CDH12: variants seen among roughly 807,000 people sequenced by gnomAD.
CDH12 encodes the protein cadherin-12.
Under a neutral mutation model 74.1 loss-of-function variants are expected in CDH12, and 41 were observed. The ratio of observed to expected loss-of-function variants is 0.55; its 90% CI spans 0.43 to 0.72. The LOEUF is 0.72. Ranked by LOEUF, CDH12 falls within the 30% of genes least tolerant of loss-of-function variation. CDH12 has a pLI of 0.00. For missense variants in CDH12, 945 were observed against 977.2 expected (o/e 0.97, Z 0.44); for synonymous variants, 399 against 355.0 (o/e 1.12, Z -1.39).
intron 3 of CDH12, among the ~76,000 whole-genome samples, chr5:22,376,868 A>G (rs1363155711): frequency 6.6e-6 from 1 of 152,020 alleles, no homozygotes; most frequent in Non-Finnish European, 1.5e-5. Context: ...AAGTATGTAA[A>G]ATAGTTTCTA....
Position 22,451,243 on chromosome 5 carries a change from A to G in CDH12, c.-427-45892T>C, listed in dbSNP as rs1219369652. 4.6e-5 allele frequency among the ~76,000 whole-genome samples: 7 copies of G among 152,068 alleles called. No homozygotes were observed. The East Asian group carries it at 1.4e-3, about 29-fold the overall frequency. ...CTAATATATAGAGAGTAAGTGATCA[A>G]ATGAATGAATGATAAATGATTTAAT... is the stretch of plus-strand genomic sequence containing the variant. On this transcript the variant is annotated intron_variant, in intron 2 of 14. Coordinates refer to ENST00000382254, the MANE Select transcript of CDH12 (RefSeq NM_004061.5).
chr5:22,836,932 G>T (rs11948507), intron 1 of CDH12, among the ~76,000 whole-genome samples: 119,399 of 152,150 alleles, frequency 0.78, 47,050 homozygotes, highest in African/African-American at 0.83. Context: ...TTTAATGAGA[G>T]ATATAAATTG....
At chr5:22,119,369 C>A (rs1461017955) in intron 4 of CDH12, among the ~76,000 whole-genome samples, 1 of 147,758 alleles carries the variant, frequency 6.8e-6, no homozygotes, top group Non-Finnish European at 1.5e-5. Context: ...CGGCTTACTG[C>A]AACCTCTGCC....
intron 1 of CDH12, among the ~76,000 whole-genome samples, chr5:22,721,045 C>G (rs530214708): frequency 1.6e-4 from 25 of 152,328 alleles, no homozygotes; most frequent in African/African-American, 4.6e-4. Flanking sequence ...ATGTTAATAG[C>G]CAAGACAATG....
intron 1 of CDH12, among the ~76,000 whole-genome samples, chr5:22,656,517 G>T (rs1740044095): frequency 6.6e-6 from 1 of 152,112 alleles, no homozygotes; most frequent in Non-Finnish European, 1.5e-5. Flanking sequence ...ATTTAAAATG[G>T]CAGTCAACAT....
In CDH12 at chr5:21,804,641, A is replaced by T. The variant is rs1427352220; in HGVS notation, c.1003-2221T>A. On this transcript the variant is annotated intron_variant, in intron 9 of 14. Transcript: ENST00000382254. Reference sequence around the variant, plus strand: ...AAATAAAATCATTCTATAGTGAATTAAAACACACACACACACACACACACA... The same window carrying T: ...AAATAAAATCATTCTATAGTGAATTTAAACACACACACACACACACACACA... Among the ~76,000 whole-genome samples, 17 of 28,608 alleles carry T rather than the reference A, an allele frequency of 5.9e-4. No individual in the cohort carries two copies. The East Asian group carries it at 0.011, about 18-fold the overall frequency. The allele number at this position is 28,608 out of a possible 152,430, so 18.8% of individuals were successfully genotyped here. A position where few individuals can be genotyped will look rare whatever the true frequency, so the allele number is the denominator to read the frequency against.
intron 3 of CDH12, among the ~76,000 whole-genome samples, chr5:22,271,260 G>T (rs1736387927): frequency 6.6e-6 from 1 of 152,112 alleles, no homozygotes; most frequent in African/African-American, 2.4e-5. Context: ...TCTAGCTCAA[G>T]AAATCAGTTT....
intron 4 of CDH12, among the ~76,000 whole-genome samples, chr5:22,137,359 CA>C (rs1241503569): frequency 6.6e-6 from 1 of 152,052 alleles, no homozygotes; most frequent in Non-Finnish European, 1.5e-5. Flanking sequence ...CATAATTCTA[CA>C]TCTCCCTAAA....
At chr5:21,793,402 T>C (rs1412106672) in intron 10 of CDH12, among the ~76,000 whole-genome samples, 1 of 151,780 alleles carries the variant, frequency 6.6e-6, no homozygotes, top group African/African-American at 2.4e-5. Flanking sequence ...TAAATTGAAT[T>C]ATTTTATCTG....
rs977629306 is a variant in CDH12, at chr5:22,202,138, C to T, written c.-187+10360G>A. On this transcript the variant is annotated intron_variant, in intron 4 of 14. Transcript: ENST00000382254. The stretch of plus-strand genomic sequence containing the variant: ...CTCCCTCCCTCTCTTTTCCTCCCTC[C>T]CTCCCTACTTTCCTTCCTTCCTTCC... 3.8e-4 allele frequency among the ~76,000 whole-genome samples: 57 copies of T among 148,494 alleles called. 1 individual carries two copies. The highest frequency in any genetic ancestry group is 7.4e-5 in the Non-Finnish European group (5 of 67,356).
intron 4 of CDH12, among the ~76,000 whole-genome samples, chr5:22,125,941 T>A (rs973461310): frequency 6.9e-6 from 1 of 144,504 alleles, no homozygotes; most frequent in African/African-American, 2.5e-5. Context: ...TTAGACCTTT[T>A]CCTCATTTCA....
intron 2 of CDH12, among the ~76,000 whole-genome samples, chr5:22,443,427 A>G (rs951077932): frequency 6.6e-6 from 1 of 152,120 alleles, no homozygotes; most frequent in African/African-American, 2.4e-5. Flanking sequence ...GTAGTATATC[A>G]ATTACGTAAG....
chr5:21,864,491 G>A (rs530432273), intron 6 of CDH12, among the ~76,000 whole-genome samples: 2 of 152,140 alleles, frequency 1.3e-5, no homozygotes, highest in Non-Finnish European at 2.9e-5. Context: ...TGCAGAAAGA[G>A]TGCCCATACT....
At chr5:22,475,625 A>G (rs1746135798) in intron 2 of CDH12, among the ~76,000 whole-genome samples, 1 of 152,030 alleles carries the variant, frequency 6.6e-6, no homozygotes, top group South Asian at 2.1e-4. Flanking sequence ...ATATAAAAGT[A>G]AACTATATCC....
chr5:22,506,771 T>C (rs1420400529), intron 1 of CDH12, among the ~76,000 whole-genome samples: 1 of 152,116 alleles, frequency 6.6e-6, no homozygotes, highest in Non-Finnish European at 1.5e-5. Flanking sequence ...TATGCAGACA[T>C]CCATAATTGT....
intron 1 of CDH12, among the ~76,000 whole-genome samples, chr5:22,642,327 G>A (rs1257525287): frequency 6.6e-6 from 1 of 152,148 alleles, no homozygotes; most frequent in Non-Finnish European, 1.5e-5. Flanking sequence ...ATTGGCATAA[G>A]GATAAATTAT....
At position 21,984,068 on chromosome 5, in the gene CDH12, G is replaced by A. The variant is rs1337134633; in HGVS notation, c.232-8683C>T. On this transcript the variant is annotated intron_variant, in intron 5 of 14. Transcript: ENST00000382254. ...TGAGTCTTCGCCATTCATAAGGCGA[G>A]CTTTTCTTGAATACCTGATAACTCT... 2.6e-5 allele frequency among the ~76,000 whole-genome samples: 4 copies of A among 152,128 alleles called. No homozygotes were observed. In the South Asian group the frequency reaches 6.2e-4, roughly 24 times the overall value.
intron 6 of CDH12, among the ~76,000 whole-genome samples, chr5:21,864,068 T>A (rs1226653794): frequency 1.3e-5 from 2 of 152,022 alleles, no homozygotes; most frequent in Non-Finnish European, 2.9e-5. Flanking sequence ...AATTAAAAAA[T>A]TGTACATTCT....
rs560919884 is a variant in CDH12, at chr5:22,379,242, C to T, written c.-333+26015G>A. On this transcript the variant is annotated intron_variant, in intron 3 of 14. Coordinates refer to ENST00000382254, the MANE Select transcript of CDH12 (RefSeq NM_004061.5). Reference sequence around the variant, plus strand: ...GGTGGAAAGAGATCATGTTCTAGAACGAATAGTTTTGTGGTAAAATTAAAG... The same window carrying T: ...GGTGGAAAGAGATCATGTTCTAGAATGAATAGTTTTGTGGTAAAATTAAAG... Among the ~76,000 whole-genome samples, 79 of 151,948 alleles carry T rather than the reference C, an allele frequency of 5.2e-4. 1 individual carries two copies. Among genetic ancestry groups the T allele is most frequent in the Non-Finnish European group, 1.0e-3 (69 of 67,984 alleles).
Sources: gnomAD v4.1 joint callset for allele counts (sites outside exome capture counted in the v4.1 genomes callset) on GRCh38, gnomAD v4.1.1 for gene constraint, MANE v1.5 for transcripts, NCBI Gene and HGNC (gene_info 2026-07-23, HGNC 2026-07-21) for gene names.